The following XIRP2 variants were observed in gnomAD, a reference collection of about 807,000 sequenced individuals.
The protein encoded by XIRP2 is xin actin-binding repeat-containing protein 2.
In XIRP2, 236 loss-of-function variants were observed where a neutral mutation model predicts 277.0. That is an observed-to-expected ratio of 0.85 (90% CI 0.77 to 0.95). XIRP2 has a LOEUF of 0.95. Ranked by LOEUF, XIRP2 falls within the 40% of genes least tolerant of loss-of-function variation. The pLI is 0.00. For synonymous variants in XIRP2, 1,490 were observed against 1,416.5 expected (o/e 1.05, Z -1.17); for missense variants, 4,640 against 4,157.5 (o/e 1.12, Z -3.19).
chr2:167,146,384 C>T (rs1240958810), intron 3 of XIRP2, among the ~76,000 whole-genome samples: 1 of 151,664 alleles, frequency 6.6e-6, no homozygotes, highest in African/African-American at 2.4e-5. Flanking sequence ...GCCTGTAGTC[C>T]CAGCTACTTG....
intron 9 of XIRP2, 39 bp from the exon 10 acceptor site, chr2:167,253,993 G>C: frequency 6.5e-7 from 1 of 1,530,340 alleles, no homozygotes; most frequent in Non-Finnish European, 8.8e-7. Context: ...TATGATTGAA[G>C]ATAACACTAC....
intron 2 of XIRP2, among the ~76,000 whole-genome samples, chr2:167,048,742 A>G (rs1388418511): frequency 1.3e-5 from 2 of 151,898 alleles, no homozygotes; most frequent in African/African-American, 4.8e-5. Context: ...GCACTGTAAG[A>G]CCTCAGCAAA....
chr2:166,907,616 T>G (rs1023049667), intron 2 of XIRP2, among the ~76,000 whole-genome samples: 4 of 151,960 alleles, frequency 2.6e-5, no homozygotes, highest in African/African-American at 9.7e-5. Flanking sequence ...ATAGAAGTTT[T>G]TTTTTTTTTT....
chr2:166,975,461 C>A (rs1383625109), intron 2 of XIRP2, among the ~76,000 whole-genome samples: 4 of 151,974 alleles, frequency 2.6e-5, no homozygotes, highest in Non-Finnish European at 5.9e-5. Context: ...TGACCTCCAG[C>A]CTGGCGATAG....
intron 2 of XIRP2, among the ~76,000 whole-genome samples, chr2:166,978,595 A>G (rs1340450663): frequency 6.6e-6 from 1 of 152,176 alleles, no homozygotes; most frequent in Non-Finnish European, 1.5e-5. Flanking sequence ...TTTGTTGAAT[A>G]TATTTACAAA....
intron 2 of XIRP2, among the ~76,000 whole-genome samples, chr2:167,117,750 C>G (rs142238034): frequency 6.6e-6 from 1 of 152,200 alleles, no homozygotes; most frequent in African/African-American, 2.4e-5. Flanking sequence ...CACCAGCAAA[C>G]CTCTCCAAGG....
chr2:167,083,335 T>G lies in XIRP2; in HGVS notation c.409-52574T>G, dbSNP rs565656178. 9.1e-4 allele frequency among the ~76,000 whole-genome samples: 139 copies of G among 152,352 alleles called. 1 individual carries two copies. Among genetic ancestry groups the G allele is most frequent in the Middle Eastern group, 6.8e-3 (2 of 294 alleles). ...TTTTGGTACCAGTACCATGCTGTTT[T>G]GGTTACTGTAGCCTTGTAGTATAGA... On this transcript the variant is annotated intron_variant, in intron 2 of 10. Transcript: ENST00000409195.
chr2:167,218,841 T>G (rs991232519), intron 5 of XIRP2, among the ~76,000 whole-genome samples: 8 of 152,192 alleles, frequency 5.3e-5, no homozygotes, highest in Non-Finnish European at 1.0e-4. Flanking sequence ...TTTCATTGAT[T>G]TCATTATTTC....
At chr2:167,087,139 G>T (rs373250753) in intron 2 of XIRP2, among the ~76,000 whole-genome samples, 1 of 152,026 alleles carries the variant, frequency 6.6e-6, no homozygotes, top group African/African-American at 2.4e-5. Context: ...TGTCCTTTCT[G>T]TTTGTTAGTT....
intron 3 of XIRP2, among the ~76,000 whole-genome samples, chr2:167,197,497 T>G (rs1226258985): frequency 6.6e-6 from 1 of 152,174 alleles, no homozygotes; most frequent in Non-Finnish European, 1.5e-5. Flanking sequence ...TACTTCTCGG[T>G]GATCTAGAAA....
At chr2:167,170,924 G>T (rs1460667875) in intron 3 of XIRP2, among the ~76,000 whole-genome samples, 2 of 110,266 alleles carry the variant, frequency 1.8e-5, no homozygotes, top group African/African-American at 3.6e-5. Flanking sequence ...TTTTGAGACA[G>T]AGTCTTTCTC....
intron 2 of XIRP2, among the ~76,000 whole-genome samples, chr2:166,968,804 G>C (rs1421872220): frequency 6.6e-6 from 1 of 151,562 alleles, no homozygotes; most frequent in Non-Finnish European, 1.5e-5. Flanking sequence ...TATAAGTCTT[G>C]ACTGACAGAA....
intron 2 of XIRP2, among the ~76,000 whole-genome samples, chr2:167,020,878 G>A (rs944482170): frequency 6.6e-6 from 1 of 151,816 alleles, no homozygotes; most frequent in Non-Finnish European, 1.5e-5. Context: ...TTAATTTACT[G>A]TTATTAAAGT....
At chr2:167,056,851 A>C (rs1689049290) in intron 2 of XIRP2, among the ~76,000 whole-genome samples, 1 of 152,074 alleles carries the variant, frequency 6.6e-6, no homozygotes, top group East Asian at 1.9e-4. Flanking sequence ...TTCTCTTATA[A>C]AGCGGGGAGC....
chr2:167,243,446 C>CT lies in XIRP2; in HGVS notation c.2055dup (p.Gly686TrpfsTer12). The CT allele has an allele frequency of 6.2e-7, 1 of 1,613,912 alleles. No homozygotes were observed. The highest frequency in any genetic ancestry group is 1.1e-5 in the South Asian group (1 of 91,068). On this transcript the variant is annotated frameshift_variant, in exon 9 of 11. Transcript: ENST00000409195. LOFTEE classifies it high-confidence loss of function. ...GCGGTAACTATCAGTAAGGACATAA[C>CT]TGGGGGGGATGTCAAGACTGTGAGA...
At chr2:167,094,150 T>C (rs185892965) in intron 2 of XIRP2, among the ~76,000 whole-genome samples, 87 of 152,178 alleles carry the variant, frequency 5.7e-4, no homozygotes, top group Non-Finnish European at 2.1e-4. Flanking sequence ...CTATGCTCAC[T>C]ACTTGATGGG....
chr2:167,159,692 T>C (rs1692307227), intron 3 of XIRP2, among the ~76,000 whole-genome samples: 1 of 151,946 alleles, frequency 6.6e-6, no homozygotes. Context: ...AAAAAAACAA[T>C]AAAAGGAACT....
chr2:167,190,598 T>C (rs1034221569), intron 3 of XIRP2, among the ~76,000 whole-genome samples: 3 of 152,228 alleles, frequency 2.0e-5, no homozygotes, highest in African/African-American at 7.2e-5. Context: ...TTCCTAGTCA[T>C]TGGAATCCAC....
chr2:167,202,421 C>T (rs1461644430), intron 3 of XIRP2, among the ~76,000 whole-genome samples: 1 of 152,086 alleles, frequency 6.6e-6, no homozygotes, highest in African/African-American at 2.4e-5. Flanking sequence ...ATAGGAGCTG[C>T]AAAAGACACA....
Sources: allele counts gnomAD v4.1 joint callset (sites outside exome capture counted in the v4.1 genomes callset), GRCh38; gene constraint gnomAD v4.1.1; transcripts MANE v1.5; gene names NCBI Gene and HGNC (gene_info 2026-07-23, HGNC 2026-07-21).